Variants in OTUB2 observed in about 807,000 individuals in gnomAD.
The protein encoded by OTUB2 is ubiquitin thioesterase OTUB2.
In OTUB2, 21 loss-of-function variants were observed where a neutral mutation model predicts 25.1. The observed-to-expected ratio is 0.84, with a 90% confidence interval of 0.59 to 1.21. The LOEUF (loss-of-function observed/expected upper bound fraction) is 1.21, where lower values mean the gene tolerates loss of function less well. OTUB2 is among the 50% of genes most tolerant of loss of function. The pLI is 0.00. For missense variants in OTUB2, 283 were observed against 298.0 expected, an observed-to-expected ratio of 0.95 and a Z score of 0.37; for synonymous variants, 122 against 122.8, an observed-to-expected ratio of 0.99 and a Z score of 0.04.
chr14:94,040,900 C>T (rs548096695), intron 3 of OTUB2, among the ~76,000 whole-genome samples: 3 of 152,284 alleles, frequency 2.0e-5, no homozygotes, highest in South Asian at 4.2e-4. Context: ...GAGGTAAGGG[C>T]GGCAGGGCAC....
chr14:94,040,282 AGTC>A (rs1885136670), intron 3 of OTUB2, among the ~76,000 whole-genome samples: 1 of 152,110 alleles, frequency 6.6e-6, no homozygotes, highest in African/African-American at 2.4e-5. Flanking sequence ...TTTGATGGAG[AGTC>A]AGCTATCTCA....
chr14:94,036,626 T>C (rs1373133275), intron 1 of OTUB2, among the ~76,000 whole-genome samples: 1 of 152,182 alleles, frequency 6.6e-6, no homozygotes, highest in East Asian at 1.9e-4. Flanking sequence ...AGTTGCCTCC[T>C]CTCTGTCCGC....
intron 3 of OTUB2, among the ~76,000 whole-genome samples, chr14:94,039,661 C>T (rs1234772586): frequency 2.0e-5 from 3 of 152,116 alleles, no homozygotes; most frequent in African/African-American, 4.8e-5. Flanking sequence ...GGCTTGGACC[C>T]GAATTCCTGT....
At chr14:94,033,175 G>T (rs1331759389) in intron 1 of OTUB2, among the ~76,000 whole-genome samples, 1 of 152,112 alleles carries the variant, frequency 6.6e-6, no homozygotes, top group Non-Finnish European at 1.5e-5. Flanking sequence ...CTCCCAAAGT[G>T]CTAGGATTAC....
At chr14:94,037,341 T>C in intron 1 of OTUB2, 39 bp from the exon 2 acceptor site, 1 of 1,486,414 alleles carries the variant, frequency 6.7e-7, no homozygotes, top group Non-Finnish European at 9.3e-7. Flanking sequence ...CCGTTGCTTT[T>C]GAAATTGTCA....
intron 4 of OTUB2, 108 bp downstream of exon 4, chr14:94,044,163 C>T (rs2141414691): frequency 8.8e-7 from 1 of 1,138,374 alleles, no homozygotes; most frequent in Admixed American, 1.7e-5. Context: ...TGGGGAAGGA[C>T]AGAGGGTTCC....
At position 94,045,804 on chromosome 14, in the gene OTUB2, T is replaced by A. The variant is rs984806049; in HGVS notation, c.587T>A (p.Val196Glu). The A allele has an allele frequency of 3.7e-6, 6 of 1,614,106 alleles. No homozygotes were observed. The highest frequency in any genetic ancestry group is 5.1e-6 in the Non-Finnish European group (6 of 1,180,052). The change falls in exon 6 of 6, where the codon GTG becomes GAG. Residue 196 changes from valine to glutamate, a missense_variant. Coordinates refer to ENST00000203664, the MANE Select transcript of OTUB2 (RefSeq NM_023112.4). The stretch of plus-strand genomic sequence containing the variant: ...AGCATTGCCCTGCAAGTGGAGTACG[T>A]GGACGAGATGGATACCGCCCTGAAC... ...ALSIALQVEY[V>E]DEMDTALNHH...
chr14:94,044,718 C>G lies in OTUB2; in HGVS notation c.436C>G (p.Arg146Gly), dbSNP rs759113013. 15 of 1,613,892 alleles carry G rather than the reference C, an allele frequency of 9.3e-6. No homozygotes were observed. The African/African-American group carries it at 1.1e-4, about 11-fold the overall frequency. The change falls in exon 5 of 6, where the codon CGA (arginine) becomes GGA (glycine). Residue 146 changes from arginine to glycine, a missense_variant. Arg to Gly is a moderately radical substitution (Grantham distance 125, BLOSUM62 -2). Transcript: ENST00000203664. Reference protein sequence around the residue: ...RLLTSAFIRNRADFFRHFIDE... With the variant: ...RLLTSAFIRNGADFFRHFIDE... ...GCTCACGTCGGCCTTCATCAGGAAC[C>G]GAGCAGACTTCTTCCGGCACTTCAT...
In OTUB2 at chr14:94,047,142, A is replaced by G. The variant is rs8005682; in HGVS notation, c.*1220A>G. Reference sequence around the variant, plus strand: ...TGCTGCTAGCAACCTCTCTTCCTCTATAAGAGGAAATGGAAAATGCAGGGT... The same window carrying G: ...TGCTGCTAGCAACCTCTCTTCCTCTGTAAGAGGAAATGGAAAATGCAGGGT... On this transcript the variant is annotated 3_prime_UTR_variant, in exon 6 of 6. Coordinates refer to ENST00000203664, the MANE Select transcript of OTUB2 (RefSeq NM_023112.4). 7 of 152,144 alleles carry G rather than the reference A, an allele frequency of 4.6e-5. No homozygotes were observed. Among genetic ancestry groups the G allele is most frequent in the South Asian group, 2.1e-4 (1 of 4,824 alleles). The allele number at this position is 152,144 out of a possible 1,614,324, so 9.4% of individuals were successfully genotyped here.
chr14:94,044,489 C>A, intron 4 of OTUB2, 97 bp from the exon 5 acceptor site: 1 of 1,236,724 alleles, frequency 8.1e-7, no homozygotes, highest in Non-Finnish European at 1.1e-6. Context: ...TGAAAATGCA[C>A]GTGAGGGCTT....
chr14:94,033,145 C>T (rs961073693), intron 1 of OTUB2, among the ~76,000 whole-genome samples: 2 of 152,078 alleles, frequency 1.3e-5, no homozygotes, highest in African/African-American at 2.4e-5. Context: ...CTCCTGACCT[C>T]GTGATCCGCC....
Position 94,046,651 on chromosome 14 carries a change from C to A in OTUB2, c.*729C>A, listed in dbSNP as rs1595369899. On this transcript the variant is annotated 3_prime_UTR_variant, in exon 6 of 6. Coordinates refer to ENST00000203664, the MANE Select transcript of OTUB2 (RefSeq NM_023112.4). ...CTTCAGGGTTCTGCTTTCAGCCCCA[C>A]CTGGACAGAGGCTTACAAGACTAGG... The A allele has an allele frequency of 6.5e-6, 1 of 152,748 alleles. No homozygotes were observed. The highest frequency in any genetic ancestry group is 1.5e-5 in the Non-Finnish European group (1 of 68,158). 9.5% of individuals were successfully genotyped at this position (152,748 alleles called of 1,614,324 possible). A position where few individuals can be genotyped will look rare whatever the true frequency, so the allele number is the denominator to read the frequency against.
At chr14:94,040,928 T>C (rs2141412772) in intron 3 of OTUB2, among the ~76,000 whole-genome samples, 1 of 152,226 alleles carries the variant, frequency 6.6e-6, no homozygotes, top group South Asian at 2.1e-4. Context: ...CTTGGGCCTT[T>C]CTAAGGACCT....
intron 1 of OTUB2, among the ~76,000 whole-genome samples, chr14:94,026,766 C>G (rs1170206571): frequency 6.6e-6 from 1 of 152,150 alleles, no homozygotes; most frequent in Non-Finnish European, 1.5e-5. Flanking sequence ...AGGTCCAGCT[C>G]GGCCCCGAGC....
intron 3 of OTUB2, among the ~76,000 whole-genome samples, chr14:94,043,671 C>A (rs992646309): frequency 6.6e-6 from 1 of 152,220 alleles, no homozygotes; most frequent in African/African-American, 2.4e-5. Flanking sequence ...AGTCAAGCTG[C>A]CCTCATGAGG....
rs1885263977 is a variant in OTUB2 at position 94,045,808 on chromosome 14, C to T, written c.591C>T (p.Asp197=). 6.8e-6 allele frequency: 11 copies of T among 1,614,206 alleles called. No individual in the cohort carries two copies. Among genetic ancestry groups the T allele is most frequent in the South Asian group, 6.6e-5 (6 of 91,084 alleles). Residue 197 remains aspartate, a synonymous_variant, in exon 6 of 6, where the codon GAC becomes GAT. Coordinates refer to ENST00000203664, the MANE Select transcript of OTUB2 (RefSeq NM_023112.4). ...TTGCCCTGCAAGTGGAGTACGTGGA[C>T]GAGATGGATACCGCCCTGAACCACC... ...LSIALQVEYV[D]EMDTALNHHV... is the part of the protein sequence containing the mutation.
At chr14:94,036,553 A>G (rs1419671441) in intron 1 of OTUB2, among the ~76,000 whole-genome samples, 1 of 152,098 alleles carries the variant, frequency 6.6e-6, no homozygotes, top group Non-Finnish European at 1.5e-5. Context: ...GACCAGGCCC[A>G]CGGGGAGTTG....
rs1241730232 is a variant in OTUB2, at chr14:94,046,257, GAA to G, written c.*339_*340del. 1 of 396,598 alleles carries G rather than the reference GAA, an allele frequency of 2.5e-6. No individual in the cohort carries two copies. The highest frequency in any genetic ancestry group is 4.6e-6 in the Non-Finnish European group (1 of 215,166). 24.6% of individuals were successfully genotyped at this position (396,598 alleles called of 1,614,324 possible). ...CTGCCTATGCTGACATTCCATTGTA[GAA>G]AAATGGGGCCTCTGGTGTCTCTTTA... On this transcript the variant is annotated 3_prime_UTR_variant, in exon 6 of 6. Coordinates refer to ENST00000203664, the MANE Select transcript of OTUB2 (RefSeq NM_023112.4).
intron 2 of OTUB2, among the ~76,000 whole-genome samples, chr14:94,038,606 C>T (rs944303210): frequency 1.4e-4 from 21 of 151,462 alleles, no homozygotes; most frequent in Admixed American, 4.6e-4. Context: ...TGCCAGCTCC[C>T]GATTCTCAGT....
Sources: allele counts gnomAD v4.1 joint callset (sites outside exome capture counted in the v4.1 genomes callset), GRCh38; gene constraint gnomAD v4.1.1; transcripts MANE v1.5; gene names NCBI Gene and HGNC (gene_info 2026-07-23, HGNC 2026-07-21).